SLC25A43: variants seen among roughly 807,000 people sequenced by gnomAD.
The protein encoded by SLC25A43 is solute carrier family 25 member 43.
SLC25A43 carries 10 observed loss-of-function variants against 22.8 expected under a neutral mutation model. The ratio of observed to expected loss-of-function variants is 0.44; its 90% CI spans 0.27 to 0.74. The LOEUF is 0.74. Ranked by LOEUF, SLC25A43 falls within the 30% of genes least tolerant of loss-of-function variation. SLC25A43 has a pLI of 0.17. For missense variants in SLC25A43, 233 were observed against 279.1 expected, an observed-to-expected ratio of 0.83 and a Z score of 1.18; for synonymous variants, 106 against 121.6, an observed-to-expected ratio of 0.87 and a Z score of 0.84.
intron 3 of SLC25A43, among the ~76,000 whole-genome samples, chrX:119,424,564 GGAT>G (rs1196726494): frequency 9.0e-6 from 1 of 111,666 alleles, no homozygotes; most frequent in African/African-American, 3.3e-5. Flanking sequence ...TGGGACTAGA[GGAT>G]GAGGGAGCGG....
At chrX:119,427,223 G>A (rs1418306821) in intron 3 of SLC25A43, among the ~76,000 whole-genome samples, 3 of 111,697 alleles carry the variant, frequency 2.7e-5, no homozygotes, top group African/African-American at 9.8e-5. Context: ...GTCAGGCCCA[G>A]CTGCACTTTG....
chrX:119,452,492 C>CAAAAAAAAA (rs376677564), intron 4 of SLC25A43, among the ~76,000 whole-genome samples: 1 of 66,072 alleles, frequency 1.5e-5, no homozygotes, highest in Non-Finnish European at 3.0e-5. Flanking sequence ...AACTCCATGA[C>CAAAAAAAAA]AAAAAAAAAA....
At chrX:119,408,549 G>A (rs1169213602) in intron 2 of SLC25A43, among the ~76,000 whole-genome samples, 1 of 111,858 alleles carries the variant, frequency 8.9e-6, no homozygotes, top group East Asian at 2.8e-4. Flanking sequence ...CCCAGCACCT[G>A]ACATAGGGCC....
At chrX:119,442,093 AAATAAT>A (rs57726273) in intron 3 of SLC25A43, among the ~76,000 whole-genome samples, 24,543 of 110,192 alleles carry the variant, frequency 0.22, 2,290 homozygotes, top group African/African-American at 0.33. Flanking sequence ...CCATCTCAAA[AAATAAT>A]AATAATAATA....
At chrX:119,402,281 A>T (rs1232741455) in intron 1 of SLC25A43, among the ~76,000 whole-genome samples, 1 of 111,879 alleles carries the variant, frequency 8.9e-6, no homozygotes, top group East Asian at 2.8e-4. Flanking sequence ...ACTTGAAGCC[A>T]AGTCTTCTGG....
At chrX:119,401,522 T>C (rs760710157) in intron 1 of SLC25A43, among the ~76,000 whole-genome samples, 1 of 110,841 alleles carries the variant, frequency 9.0e-6, no homozygotes, top group South Asian at 3.9e-4. Flanking sequence ...AATTTGAGTT[T>C]GGCATTGGGA....
At chrX:119,434,987 C>T (rs887009832) in intron 3 of SLC25A43, among the ~76,000 whole-genome samples, 11 of 109,856 alleles carry the variant, frequency 1.0e-4, no homozygotes, top group African/African-American at 1.3e-4. Flanking sequence ...TACAGGCATG[C>T]GCCACCACGC....
chrX:119,401,921 G>A lies in SLC25A43; in HGVS notation c.275+2243G>A, dbSNP rs184434632. On this transcript the variant is annotated intron_variant, in intron 1 of 4. Transcript: ENST00000217909. ...TGGGAGCAGAGAGGAGGAGATGTCT[G>A]GGAGAACGAGAACAGAGACTTACCT... is the stretch of plus-strand genomic sequence containing the variant. Among the ~76,000 whole-genome samples, 251 of 111,046 alleles carry A rather than the reference G, an allele frequency of 2.3e-3. 3 individuals are homozygous for A. Among genetic ancestry groups the A allele is most frequent in the Non-Finnish European group, 3.1e-3 (166 of 52,949 alleles).
chrX:119,399,763 G>T (rs2052220532), intron 1 of SLC25A43, 85 bp downstream of exon 1: 2 of 937,711 alleles, frequency 2.1e-6, no homozygotes, highest in Non-Finnish European at 2.7e-6. Context: ...CCTGCTGCCT[G>T]GACTCGGGGC....
intron 3 of SLC25A43, among the ~76,000 whole-genome samples, chrX:119,431,546 G>GA (rs1248081418): frequency 9.1e-6 from 1 of 109,422 alleles, no homozygotes; most frequent in African/African-American, 3.3e-5. Context: ...AAAGAAAGAG[G>GA]AAAAAAAAGA....
At chrX:119,451,634 C>T (rs759506611) in intron 3 of SLC25A43, among the ~76,000 whole-genome samples, 1 of 111,702 alleles carries the variant, frequency 9.0e-6, no homozygotes, top group African/African-American at 3.3e-5. Context: ...TTGGGAGCTT[C>T]ACAGGGGAAG....
At chrX:119,400,411 C>T (rs2052227427) in intron 1 of SLC25A43, among the ~76,000 whole-genome samples, 1 of 111,591 alleles carries the variant, frequency 9.0e-6, no homozygotes, top group South Asian at 3.9e-4. Context: ...CTCAGAGGTA[C>T]CTGCATTTGA....
chrX:119,422,633 G>A (rs756396682), intron 3 of SLC25A43, among the ~76,000 whole-genome samples: 4 of 111,714 alleles, frequency 3.6e-5, no homozygotes, highest in Non-Finnish European at 5.6e-5. Flanking sequence ...TCTGCTAGGT[G>A]AGTCCCAAGT....
At chrX:119,423,759 G>A (rs2052477838) in intron 3 of SLC25A43, 1 of 109,621 alleles carries the variant, frequency 9.1e-6, no homozygotes, top group East Asian at 2.8e-4. Flanking sequence ...ACTGGCAGGG[G>A]AGATACCATG....
In SLC25A43 at chrX:119,454,284, G is replaced by A. The variant is rs760355234; in HGVS notation, c.*1219G>A. 2 of 112,327 alleles carry A rather than the reference G, an allele frequency of 1.8e-5. No homozygotes were observed. The highest frequency in any genetic ancestry group is 2.8e-4 in the East Asian group (1 of 3,579). The allele number at this position is 112,327 out of a possible 1,213,427, so 9.3% of individuals were successfully genotyped here. On this transcript the variant is annotated 3_prime_UTR_variant, in exon 5 of 5. Transcript: ENST00000217909. ...TTTCTAAAAATCAAATCTCAGGATT[G>A]TTCCACTTTAGAGATTCTATGTAAA...
At chrX:119,435,153 T>A (rs1192205014) in intron 3 of SLC25A43, among the ~76,000 whole-genome samples, 31 of 110,614 alleles carry the variant, frequency 2.8e-4, no homozygotes, top group South Asian at 7.7e-4. Context: ...AAATATTTTT[T>A]TAAAAAAAGA....
intron 4 of SLC25A43, 138 bp from the exon 5 acceptor site, chrX:119,452,727 C>A (rs2052715949): frequency 2.0e-6 from 1 of 509,465 alleles, no homozygotes; most frequent in Middle Eastern, 5.5e-4. Flanking sequence ...TTCCTGATTC[C>A]AAAAAGAGTT....
At chrX:119,428,601 C>T (rs777125902) in intron 3 of SLC25A43, among the ~76,000 whole-genome samples, 2 of 112,592 alleles carry the variant, frequency 1.8e-5, no homozygotes, top group Non-Finnish European at 3.7e-5. Context: ...TATTTCCAGT[C>T]TTCTGCTAGT....
intron 3 of SLC25A43, among the ~76,000 whole-genome samples, chrX:119,411,801 G>C (rs989965412): frequency 5.4e-5 from 6 of 111,232 alleles, no homozygotes; most frequent in Non-Finnish European, 1.1e-4. Flanking sequence ...GTTGATAGGT[G>C]CAGCAAACCA....
Sources: allele counts gnomAD v4.1 joint callset (sites outside exome capture counted in the v4.1 genomes callset), GRCh38; gene constraint gnomAD v4.1.1; transcripts MANE v1.5; gene names NCBI Gene and HGNC (gene_info 2026-07-23, HGNC 2026-07-21).